Variants in MYH15 observed in about 807,000 individuals in gnomAD.
MYH15 encodes the protein myosin heavy chain 15.
In MYH15, 227 loss-of-function variants were observed where a neutral mutation model predicts 240.5. The ratio of observed to expected loss-of-function variants is 0.94; its 90% CI spans 0.85 to 1.05. The LOEUF is 1.05. MYH15 is among the 50% of genes least tolerant of loss of function. The pLI, the probability that MYH15 is intolerant of heterozygous loss-of-function variation, is 0.00. For missense variants in MYH15, 2,217 were observed against 2,247.5 expected, an observed-to-expected ratio of 0.99 and a Z score of 0.27; for synonymous variants, 785 against 796.7, an observed-to-expected ratio of 0.99 and a Z score of 0.25.
chr3:108,507,609 T>C (rs552028590), intron 1 of MYH15, among the ~76,000 whole-genome samples: 6 of 152,166 alleles, frequency 3.9e-5, no homozygotes, highest in Non-Finnish European at 8.8e-5. Flanking sequence ...TCTTCCACCA[T>C]GCTTGTTTCT....
chr3:108,425,570 G>T (rs1299378886), intron 27 of MYH15, among the ~76,000 whole-genome samples: 1 of 152,192 alleles, frequency 6.6e-6, no homozygotes. Flanking sequence ...AGCAAATAGG[G>T]AGGAAAGAAG....
intron 30 of MYH15, among the ~76,000 whole-genome samples, chr3:108,413,742 A>G (rs1326909030): frequency 6.6e-6 from 1 of 152,216 alleles, no homozygotes; most frequent in Non-Finnish European, 1.5e-5. Flanking sequence ...CCTTTGTCCT[A>G]GAAGACATGA....
rs764665272 is a variant in MYH15, at chr3:108,456,848, G to A, written c.2056C>T (p.Arg686Cys). The change falls in exon 19 of 41, where the codon CGC (arginine) becomes TGC (cysteine). Residue 686 changes from arginine to cysteine, a missense_variant. Physicochemically the swap from Arg to Cys is radical, Grantham distance 180. Transcript: ENST00000693548. ...LDPYLVLQQL[R>C]CNGVLEGTRI... The stretch of plus-strand genomic sequence containing the variant: ...GTCCCTTCCAAGACACCATTACAGC[G>A]CAACTGCTGTAGAACCAAGTAAGGG... The A allele has an allele frequency of 1.3e-5, 21 of 1,612,698 alleles. No individual in the cohort carries two copies. Among genetic ancestry groups the A allele is most frequent in the African/African-American group, 4.0e-5 (3 of 74,734 alleles).
intron 30 of MYH15, among the ~76,000 whole-genome samples, chr3:108,413,253 A>G (rs2082608202): frequency 6.6e-6 from 1 of 152,244 alleles, no homozygotes; most frequent in African/African-American, 2.4e-5. Context: ...TTGATAAAAC[A>G]TCTACTGCAG....
chr3:108,408,538 C>T, intron 31 of MYH15, 134 bp from the exon 32 acceptor site: 1 of 783,938 alleles, frequency 1.3e-6, no homozygotes, highest in East Asian at 2.9e-5. Context: ...ATGACCTATC[C>T]TATATGGGAC....
At chr3:108,496,106 A>G (rs1399386660) in intron 6 of MYH15, among the ~76,000 whole-genome samples, 6 of 152,198 alleles carry the variant, frequency 3.9e-5, no homozygotes, top group Admixed American at 3.9e-4. Flanking sequence ...TTTATTTGCA[A>G]TGCTTCTTTT....
chr3:108,397,336 C>T (rs897289281), intron 35 of MYH15, among the ~76,000 whole-genome samples: 1 of 152,198 alleles, frequency 6.6e-6, no homozygotes, highest in Admixed American at 6.5e-5. Context: ...CCCCCTGCCC[C>T]CATGTCTCTG....
At chr3:108,541,919 C>T in the MYH15 span, among the ~76,000 whole-genome samples, 1 of 151,824 alleles carries the variant, frequency 6.6e-6, no homozygotes, top group Non-Finnish European at 1.5e-5. Flanking sequence ...TTTCTGTAGC[C>T]CACCAATATA....
chr3:108,437,501 T>C, intron 25 of MYH15, 53 bp downstream of exon 25: 2 of 1,566,402 alleles, frequency 1.3e-6, no homozygotes, highest in South Asian at 1.2e-5. Flanking sequence ...AGAAAGCTGT[T>C]CCTTCTAATA....
At chr3:108,496,011 A>T in intron 6 of MYH15, 139 bp from the exon 7 acceptor site, 1 of 558,848 alleles carries the variant, frequency 1.8e-6, no homozygotes, top group South Asian at 2.8e-5. Flanking sequence ...ATTTGGTTAT[A>T]TTATCTTCGA....
chr3:108,417,462 T>C (rs180743285), intron 28 of MYH15, among the ~76,000 whole-genome samples: 1 of 152,332 alleles, frequency 6.6e-6, no homozygotes, highest in Admixed American at 6.5e-5. Context: ...TTATAACTTT[T>C]ATTACCTCAC....
rs1476104469 is a variant in MYH15, at chr3:108,380,848, G to A, written c.*697C>T. The stretch of plus-strand genomic sequence containing the variant: ...GACCTACTCCAATCCAGAACCATGA[G>A]AGAGAGGAATTCCGGGACATGTTCC... On this transcript the variant is annotated 3_prime_UTR_variant, in exon 41 of 41. Transcript: ENST00000693548. The A allele has an allele frequency of 6.6e-6, 1 of 152,630 alleles. No homozygotes were observed. Among genetic ancestry groups the A allele is most frequent in the Admixed American group, 6.5e-5 (1 of 15,304 alleles). 9.5% of individuals were successfully genotyped at this position (152,630 alleles called of 1,614,324 possible).
At chr3:108,418,441 T>C (rs1308639197) in intron 28 of MYH15, among the ~76,000 whole-genome samples, 1 of 152,252 alleles carries the variant, frequency 6.6e-6, no homozygotes. Flanking sequence ...CCTTGACTTG[T>C]GATCAGGCTG....
At chr3:108,382,825 G>T (rs1165563564) in intron 40 of MYH15, among the ~76,000 whole-genome samples, 2 of 152,140 alleles carry the variant, frequency 1.3e-5, no homozygotes, top group Non-Finnish European at 2.9e-5. Flanking sequence ...TATGCTCAGT[G>T]ATTTCAGGCA....
Position 108,398,712 on chromosome 3 carries a change from C to A in MYH15, c.5058G>T (p.Gln1686His). The change falls in exon 35 of 41, where the codon CAG (glutamine) becomes CAT (histidine). Residue 1686 changes from glutamine (Q) to histidine (H), a missense_variant. Coordinates refer to ENST00000693548, the MANE Select transcript of MYH15 (RefSeq NM_014981.3). ...ELEDLRSLQE[Q>H]TERGRRLSEE... ...CTGACAGCCTGCGGCCACGCTCTGT[C>A]TGCTCTTGCAGGGACCTTAGATCCT... 1 of 1,614,176 alleles carries A rather than the reference C, an allele frequency of 6.2e-7. No individual in the cohort carries two copies. The highest frequency in any genetic ancestry group is 8.5e-7 in the Non-Finnish European group (1 of 1,180,046).
chr3:108,466,826 T>C (rs975377143), intron 14 of MYH15, among the ~76,000 whole-genome samples: 3 of 152,294 alleles, frequency 2.0e-5, no homozygotes, highest in East Asian at 3.9e-4. Context: ...AAGTGGCTAA[T>C]AAAATGCTGG....
chr3:108,492,232 T>A lies in MYH15; in HGVS notation c.871+268A>T, dbSNP rs866452012. ...CACACACACACACACACACACTCAC[T>A]CACCTCTGCTGGGCATCCTACCCAT... On this transcript the variant is annotated intron_variant, in intron 9 of 40. Coordinates refer to ENST00000693548, the MANE Select transcript of MYH15 (RefSeq NM_014981.3). Among the ~76,000 whole-genome samples, 77 of 116,566 alleles carry A rather than the reference T, an allele frequency of 6.6e-4. 1 individual carries two copies. Among genetic ancestry groups the A allele is most frequent in the South Asian group, 1.9e-3 (7 of 3,676 alleles). 76.5% of individuals were successfully genotyped at this position (116,566 alleles called of 152,430 possible).
intron 25 of MYH15, among the ~76,000 whole-genome samples, chr3:108,432,677 C>T (rs1473498144): frequency 6.6e-6 from 1 of 152,218 alleles, no homozygotes; most frequent in African/African-American, 2.4e-5. Flanking sequence ...CCAGCTGCTC[C>T]AGCCATGGCT....
At chr3:108,440,527 C>G (rs182172091) in intron 23 of MYH15, among the ~76,000 whole-genome samples, 1 of 152,072 alleles carries the variant, frequency 6.6e-6, no homozygotes, top group Non-Finnish European at 1.5e-5. Flanking sequence ...CACACAGATG[C>G]GCAAGTTAAA....
Sources: allele counts gnomAD v4.1 joint callset (sites outside exome capture counted in the v4.1 genomes callset), GRCh38; gene constraint gnomAD v4.1.1; transcripts MANE v1.5; gene names NCBI Gene and HGNC (gene_info 2026-07-23, HGNC 2026-07-21).